Variants in RTN1 observed in about 807,000 individuals in gnomAD.
RTN1 encodes reticulon 1.
RTN1 carries 25 observed loss-of-function variants against 65.5 expected under a neutral mutation model. The ratio of observed to expected loss-of-function variants is 0.38; its 90% CI spans 0.28 to 0.53. The LOEUF (loss-of-function observed/expected upper bound fraction) is 0.53, where lower values mean the gene tolerates loss of function less well. Among genes scored for constraint, RTN1 ranks in the 20% least tolerant of loss-of-function variants. RTN1 has a pLI of 0.79. For missense variants in RTN1, 983 were observed against 1,025.4 expected (o/e 0.96, Z 0.57); for synonymous variants, 471 against 447.6 (o/e 1.05, Z -0.66).
chr14:59,767,751 G>A (rs1885876575), intron 1 of RTN1, among the ~76,000 whole-genome samples: 1 of 152,130 alleles, frequency 6.6e-6, no homozygotes, highest in Admixed American at 6.5e-5. Flanking sequence ...ATTTCCCTAT[G>A]GTGCTTTCCT....
intron 2 of RTN1, among the ~76,000 whole-genome samples, chr14:59,729,891 A>C (rs1566702291): frequency 6.6e-6 from 1 of 152,188 alleles, no homozygotes; most frequent in Non-Finnish European, 1.5e-5. Flanking sequence ...AGGAAGCCCA[A>C]GGGCTGGGAT....
At chr14:59,665,848 C>T (rs1414398475) in intron 3 of RTN1, among the ~76,000 whole-genome samples, 3 of 152,098 alleles carry the variant, frequency 2.0e-5, no homozygotes, top group East Asian at 1.9e-4. Flanking sequence ...CAAAGAAGGC[C>T]ATTATATAAT....
At chr14:59,630,651 G>C (rs1404042253) in intron 3 of RTN1, 3 of 1,268,214 alleles carry the variant, frequency 2.4e-6, no homozygotes, top group African/African-American at 1.5e-5. Context: ...CGCGCGGTGA[G>C]GGGCGGGAGC....
intron 1 of RTN1, among the ~76,000 whole-genome samples, chr14:59,815,436 T>G (rs1886802362): frequency 6.6e-6 from 1 of 152,166 alleles, no homozygotes; most frequent in South Asian, 2.1e-4. Flanking sequence ...TCTCCCAGAC[T>G]TTAAAAATCT....
At chr14:59,690,645 C>A (rs1397118586) in intron 3 of RTN1, among the ~76,000 whole-genome samples, 4 of 152,092 alleles carry the variant, frequency 2.6e-5, no homozygotes, top group South Asian at 2.1e-4. Context: ...ATATATCGTT[C>A]TCAGCTGGAC....
At chr14:59,655,052 T>C (rs1010816445) in intron 3 of RTN1, among the ~76,000 whole-genome samples, 1 of 152,214 alleles carries the variant, frequency 6.6e-6, no homozygotes, top group Admixed American at 6.5e-5. Flanking sequence ...TGATATTGTA[T>C]GTAGAAACTT....
chr14:59,747,621 A>G (rs1338939115), intron 1 of RTN1, among the ~76,000 whole-genome samples: 1 of 151,878 alleles, frequency 6.6e-6, no homozygotes, highest in Non-Finnish European at 1.5e-5. Context: ...AAAACAAAAA[A>G]ATAGTGAGCA....
Position 59,829,188 on chromosome 14 carries a change from G to A in RTN1, c.241+41202C>T, listed in dbSNP as rs1887084337. Among the ~76,000 whole-genome samples the A allele has an allele frequency of 6.6e-6, 1 of 152,128 alleles. No individual in the cohort carries two copies. Among genetic ancestry groups the A allele is most frequent in the South Asian group, 2.1e-4 (1 of 4,822 alleles). On this transcript the variant is annotated intron_variant, in intron 1 of 8. Transcript: ENST00000267484. The surrounding 1 kb of genome is among the most constrained non-coding windows in gnomAD (Gnocchi z 4.3). Reference sequence around the variant, plus strand: ...ATTTTAAAGTGCCTTCTACAACAATGTTTTGGGAGGGATTTAAGGATGAAT... The same window carrying A: ...ATTTTAAAGTGCCTTCTACAACAATATTTTGGGAGGGATTTAAGGATGAAT...
chr14:59,694,101 C>A (rs1182974304), intron 3 of RTN1, among the ~76,000 whole-genome samples: 1 of 152,210 alleles, frequency 6.6e-6, no homozygotes, highest in Non-Finnish European at 1.5e-5. Flanking sequence ...CTAAATACCA[C>A]CTTTCAGCAA....
At chr14:59,844,872 A>G (rs1457524405) in intron 1 of RTN1, among the ~76,000 whole-genome samples, 2 of 152,218 alleles carry the variant, frequency 1.3e-5, no homozygotes, top group Non-Finnish European at 2.9e-5. Context: ...AATACATCTT[A>G]CTAGCTCTTG....
At chr14:59,719,471 C>T (rs2139465846) in intron 3 of RTN1, among the ~76,000 whole-genome samples, 1 of 152,332 alleles carries the variant, frequency 6.6e-6, no homozygotes, top group East Asian at 1.9e-4. Context: ...AATGTCTACT[C>T]CCTCTTCCAC....
intron 8 of RTN1, among the ~76,000 whole-genome samples, chr14:59,597,524 G>C (rs932741630): frequency 4.6e-5 from 7 of 152,232 alleles, no homozygotes; most frequent in African/African-American, 1.7e-4. Context: ...ACCTCCCTCT[G>C]TGCCATGAGG....
chr14:59,772,077 A>C (rs1266470267), intron 1 of RTN1, among the ~76,000 whole-genome samples: 1 of 152,272 alleles, frequency 6.6e-6, no homozygotes, highest in Non-Finnish European at 1.5e-5. Flanking sequence ...AATAGCACTG[A>C]AATAACTTTT....
At chr14:59,764,430 C>T (rs1450620967) in intron 1 of RTN1, among the ~76,000 whole-genome samples, 1 of 151,956 alleles carries the variant, frequency 6.6e-6, no homozygotes, top group African/African-American at 2.4e-5. Context: ...AAGCAGTTCT[C>T]CTGCCTCAGC....
intron 3 of RTN1, among the ~76,000 whole-genome samples, chr14:59,677,219 A>G (rs1281456393): frequency 6.6e-6 from 1 of 152,208 alleles, no homozygotes; most frequent in Non-Finnish European, 1.5e-5. Context: ...TGTTGATGCA[A>G]TACATTCACA....
intron 1 of RTN1, among the ~76,000 whole-genome samples, chr14:59,806,472 C>G (rs1454723595): frequency 6.6e-6 from 1 of 151,688 alleles, no homozygotes; most frequent in Admixed American, 6.6e-5. Flanking sequence ...ATTTTTTTAA[C>G]TTTTATTTTA....
At chr14:59,695,650 G>T (rs1884047954) in intron 3 of RTN1, among the ~76,000 whole-genome samples, 1 of 152,080 alleles carries the variant, frequency 6.6e-6, no homozygotes, top group Non-Finnish European at 1.5e-5. Flanking sequence ...GGATTTATTT[G>T]TTACAAACTA....
chr14:59,750,386 TTATATCTATAATA>T (rs1410186584), intron 1 of RTN1, among the ~76,000 whole-genome samples: 17 of 52,368 alleles, frequency 3.2e-4, no homozygotes, highest in Admixed American at 4.3e-4. Flanking sequence ...ATATTATATA[TTATATCTATAATA>T]TATATATTAT....
chr14:59,776,374 G>T (rs1236547347), intron 1 of RTN1, among the ~76,000 whole-genome samples: 2 of 152,100 alleles, frequency 1.3e-5, no homozygotes, highest in Admixed American at 1.3e-4. Flanking sequence ...GCCCTATTTT[G>T]CTCTCTTGCT....
Sources: gnomAD v4.1 joint callset for allele counts (sites outside exome capture counted in the v4.1 genomes callset) on GRCh38, gnomAD v4.1.1 for gene constraint, Gnocchi (gnomAD v3.1) non-coding constraint, MANE v1.5 for transcripts, NCBI Gene and HGNC (gene_info 2026-07-23, HGNC 2026-07-21) for gene names.